TRAP1: variants seen among roughly 807,000 people sequenced by gnomAD.
TRAP1 encodes heat shock protein 75 kDa, mitochondrial.
TRAP1 carries 102 observed loss-of-function variants against 89.1 expected under a neutral mutation model. The ratio of observed to expected loss-of-function variants is 1.15; its 90% CI spans 0.98 to 1.35. The LOEUF (loss-of-function observed/expected upper bound fraction) is 1.35, where lower values mean the gene tolerates loss of function less well. Ranked by LOEUF, TRAP1 falls within the 40% of genes most tolerant of loss-of-function variation. TRAP1 has a pLI of 0.00. For missense variants in TRAP1, 1,256 were observed against 945.3 expected (o/e 1.33, Z -4.31); for synonymous variants, 508 against 388.0 (o/e 1.31, Z -3.64).
chr16:3,685,604 C>T (rs983177818), intron 4 of TRAP1, among the ~76,000 whole-genome samples: 1 of 152,158 alleles, frequency 6.6e-6, no homozygotes, highest in African/African-American at 2.4e-5. Flanking sequence ...AAAATTTCCA[C>T]AAGGCTACAG....
chr16:3,670,498 C>T (rs942025605), intron 11 of TRAP1, among the ~76,000 whole-genome samples: 12 of 149,756 alleles, frequency 8.0e-5, no homozygotes, highest in Non-Finnish European at 1.3e-4. Flanking sequence ...CCCAGGAGTT[C>T]AAGATCAGCC....
In TRAP1 at chr16:3,674,461, C is replaced by G; in HGVS notation, c.922G>C (p.Glu308Gln). 1 of 1,614,062 alleles carries G rather than the reference C, an allele frequency of 6.2e-7. No individual in the cohort carries two copies. The highest frequency in any genetic ancestry group is 8.5e-7 in the Non-Finnish European group (1 of 1,180,028). Residue 308 changes from glutamate to glutamine, a missense_variant, in exon 9 of 18, where the codon GAG (glutamate) becomes CAG (glutamine). Physicochemically the swap from Glu to Gln is conservative, Grantham distance 29 (BLOSUM62 2). Transcript: ENST00000246957. ...CGGTAGAACTCCTCATGTTGCCACT[C>G]ACGGACATCCTTGGGGTCCATCATC... ...IWMMDPKDVREWQHEEFYRYV... is the reference protein window; with the variant it reads ...IWMMDPKDVRQWQHEEFYRYV...
At chr16:3,658,943 G>C (rs746774026) in intron 16 of TRAP1, 78 bp from the exon 17 acceptor site, 212 of 1,478,502 alleles carry the variant, frequency 1.4e-4, no homozygotes, top group Non-Finnish European at 1.9e-4. Flanking sequence ...GGGATTATCA[G>C]GATATTTAAA....
Position 3,685,992 on chromosome 16 carries a change from G to A in TRAP1, c.471+4C>T. 6.2e-7 allele frequency: 1 copy of A among 1,613,650 alleles called. No homozygotes were observed. Among genetic ancestry groups the A allele is most frequent in the Non-Finnish European group, 8.5e-7 (1 of 1,179,818 alleles). On this transcript the variant is annotated splice_donor_region_variant and intron_variant, in intron 4 of 17. Transcript: ENST00000246957. ...GCCACACGCCTGGACACTGAGGGAG[G>A]TACCTGGATGGTGATGGTGCCTTTC... is the stretch of plus-strand genomic sequence containing the variant.
At chr16:3,715,879 T>C (rs952633089) in intron 1 of TRAP1, among the ~76,000 whole-genome samples, 2 of 152,224 alleles carry the variant, frequency 1.3e-5, no homozygotes, top group Non-Finnish European at 2.9e-5. Flanking sequence ...ATTTTTGTTG[T>C]TGAGATGAAG....
chr16:3,659,954 T>C (rs1368255929), intron 16 of TRAP1: 2 of 152,192 alleles, frequency 1.3e-5, no homozygotes, highest in Non-Finnish European at 2.9e-5. Flanking sequence ...CTCGAACTCC[T>C]GACCTCAAGT....
rs568028625 is a variant in TRAP1, at chr16:3,716,168, T to C, written c.88+1253A>G. On this transcript the variant is annotated intron_variant, in intron 1 of 17. Transcript: ENST00000246957. ...GCGCCCGGCCACAAGGTATCTTTTA[T>C]AGACCACTGGTTTTGAAAAGACATA... Among the ~76,000 whole-genome samples, 2 of 152,218 alleles carry C rather than the reference T, an allele frequency of 1.3e-5. 1 individual carries two copies. The highest frequency in any genetic ancestry group is 4.1e-4 in the South Asian group (2 of 4,836).
At position 3,706,214 on chromosome 16, in the gene TRAP1, G is replaced by A. The variant is rs541070917; in HGVS notation, c.88+11207C>T. On this transcript the variant is annotated intron_variant, in intron 1 of 17. Coordinates refer to ENST00000246957, the MANE Select transcript of TRAP1 (RefSeq NM_016292.3). The stretch of plus-strand genomic sequence containing the variant: ...AGTAATCCACCCACGTTAGCCTCCC[G>A]AAGTGCTGAGATTGTAGACATGAGC... Among the ~76,000 whole-genome samples the A allele has an allele frequency of 4.6e-5, 7 of 152,094 alleles. 1 individual carries two copies. The highest frequency in any genetic ancestry group is 2.1e-4 in the South Asian group (1 of 4,810).
intron 3 of TRAP1, chr16:3,687,426 T>C (rs1033825525): frequency 2.0e-5 from 3 of 152,256 alleles, no homozygotes; most frequent in Non-Finnish European, 2.9e-5. Flanking sequence ...GAAAATGGAC[T>C]AATACACTCC....
At chr16:3,661,829 A>C in intron 16 of TRAP1, 158 bp downstream of exon 16, 1 of 952,308 alleles carries the variant, frequency 1.1e-6, no homozygotes, top group Non-Finnish European at 1.4e-6. Flanking sequence ...TCCATTTCAC[A>C]TGGGTGCAGC....
chr16:3,712,087 G>C (rs1003989163), intron 1 of TRAP1, among the ~76,000 whole-genome samples: 1 of 151,964 alleles, frequency 6.6e-6, no homozygotes, highest in Non-Finnish European at 1.5e-5. Context: ...TCAAAAGATT[G>C]AGACCATCTT....
intron 11 of TRAP1, among the ~76,000 whole-genome samples, chr16:3,666,378 C>T (rs958193091): frequency 6.6e-6 from 1 of 152,112 alleles, no homozygotes; most frequent in African/African-American, 2.4e-5. Flanking sequence ...GATACCCACG[C>T]CCGGAAAACC....
intron 4 of TRAP1, among the ~76,000 whole-genome samples, chr16:3,682,459 C>T (rs540610442): frequency 2.6e-5 from 4 of 152,092 alleles, no homozygotes; most frequent in African/African-American, 7.2e-5. Flanking sequence ...GTGTGATCTC[C>T]GCTCACTGCA....
At chr16:3,679,562 GGATGGCT>G (rs1474596628) in intron 5 of TRAP1, among the ~76,000 whole-genome samples, 150 bp downstream of exon 5, 1 of 152,118 alleles carries the variant, frequency 6.6e-6, no homozygotes, top group East Asian at 1.9e-4. Flanking sequence ...AGATACTGAG[GGATGGCT>G]GTCATGTCAT....
intron 1 of TRAP1, 84 bp from the exon 2 acceptor site, chr16:3,691,069 G>C: frequency 7.7e-7 from 1 of 1,292,702 alleles, no homozygotes; most frequent in South Asian, 1.8e-5. Context: ...AGGGTGTCTA[G>C]CAGAAGCTAG....
chr16:3,688,290 C>G (rs748831561), intron 3 of TRAP1, among the ~76,000 whole-genome samples: 1 of 151,910 alleles, frequency 6.6e-6, no homozygotes, highest in East Asian at 1.9e-4. Flanking sequence ...TGTGGGTCAC[C>G]GCACCTGGCC....
chr16:3,716,872 T>C (rs1046248842), intron 1 of TRAP1, among the ~76,000 whole-genome samples: 39 of 152,342 alleles, frequency 2.6e-4, no homozygotes, highest in Admixed American at 2.5e-3. Flanking sequence ...ATGACTGCTA[T>C]AGGTTTTGTT....
Position 3,697,787 on chromosome 16 carries a change from G to A in TRAP1, c.89-6802C>T, listed in dbSNP as rs370907890. Among the ~76,000 whole-genome samples the A allele has an allele frequency of 1.8e-4, 27 of 150,738 alleles. No homozygotes were observed. In the East Asian group the frequency reaches 4.1e-3, roughly 23 times the overall value. On this transcript the variant is annotated intron_variant, in intron 1 of 17. Transcript: ENST00000246957. ...TTGGTTTTTCCCCAATTAATATGCA[G>A]AATTTTTTTTTTTTTTCCTCGAGAA...
intron 4 of TRAP1, 41 bp from the exon 5 acceptor site, chr16:3,679,831 TG>T: frequency 1.2e-6 from 2 of 1,605,070 alleles, no homozygotes; most frequent in Non-Finnish European, 8.5e-7. Flanking sequence ...CCCCAGCACC[TG>T]GGGAGCCGGG....
Sources: allele counts gnomAD v4.1 joint callset (sites outside exome capture counted in the v4.1 genomes callset), GRCh38; gene constraint gnomAD v4.1.1; transcripts MANE v1.5; gene names NCBI Gene and HGNC (gene_info 2026-07-23, HGNC 2026-07-21).